The following EPN2 variants were observed in gnomAD, a reference collection of about 807,000 sequenced individuals.
The protein encoded by EPN2 is epsin 2.
A neutral mutation model predicts 61.7 loss-of-function variants in EPN2; 34 were observed. The observed-to-expected ratio is 0.55, with a 90% CI of 0.42 to 0.73. The LOEUF (loss-of-function observed/expected upper bound fraction) is 0.73. Among genes scored for constraint, EPN2 ranks in the 30% least tolerant of loss-of-function variants. The probability of loss-of-function intolerance (pLI) is 0.00; values close to 1 mark genes in which losing one functional copy is unlikely to be tolerated. For missense variants in EPN2, 714 were observed against 839.2 expected (o/e 0.85, Z 1.84); for synonymous variants, 349 against 353.6 (o/e 0.99, Z 0.15).
chr17:19,239,617 T>C (rs1284839962), intron 1 of EPN2, among the ~76,000 whole-genome samples: 1 of 152,246 alleles, frequency 6.6e-6, no homozygotes, highest in Non-Finnish European at 1.5e-5. Flanking sequence ...TGTAAGTTAC[T>C]GTAAGGCATG....
intron 9 of EPN2, 38 bp downstream of exon 9, chr17:19,329,685 G>A: frequency 1.6e-6 from 2 of 1,213,784 alleles, no homozygotes; most frequent in Non-Finnish European, 2.4e-6. Context: ...AATCCTCCGT[G>A]CATTTGACCA....
At chr17:19,274,688 G>A (rs887234947) in intron 1 of EPN2, among the ~76,000 whole-genome samples, 1 of 152,180 alleles carries the variant, frequency 6.6e-6, no homozygotes, top group African/African-American at 2.4e-5. Flanking sequence ...ACGGGGTGTA[G>A]AGATGTGTGC....
chr17:19,291,142 A>G (rs1405440091), intron 4 of EPN2, among the ~76,000 whole-genome samples: 1 of 152,212 alleles, frequency 6.6e-6, no homozygotes, highest in Non-Finnish European at 1.5e-5. Flanking sequence ...AGGAAAACAG[A>G]GGTGAGAAAG....
At chr17:19,323,506 A>C (rs1195946926) in intron 7 of EPN2, among the ~76,000 whole-genome samples, 1 of 152,220 alleles carries the variant, frequency 6.6e-6, no homozygotes, top group Non-Finnish European at 1.5e-5. Context: ...TGGACATATC[A>C]TCAGGAAACT....
rs369958146 is a variant in EPN2, at chr17:19,313,170, C to T, written c.1038C>T (p.Pro346=). 143 of 1,613,680 alleles carry T rather than the reference C, an allele frequency of 8.9e-5. No individual in the cohort carries two copies. The highest frequency in any genetic ancestry group is 1.1e-4 in the Non-Finnish European group (131 of 1,179,808). ...TGGATGCTCTCCCCAGCTCGGGCCC[C>T]GCGGCCCAGAAAGCAGAGCCCTGGG... ...DLMDALPSSG[P]AAQKAEPWGP... The change falls in exon 7 of 11, where the codon CCC becomes CCT. Residue 346 remains proline (P), a synonymous_variant. Transcript: ENST00000314728.
chr17:19,309,859 T>C, intron 4 of EPN2, 26 bp from the exon 5 acceptor site: 1 of 1,583,740 alleles, frequency 6.3e-7, no homozygotes, highest in South Asian at 1.1e-5. Flanking sequence ...GTCTTTTGCA[T>C]ATGATGACTT....
At chr17:19,300,516 C>T (rs1042249386) in intron 4 of EPN2, among the ~76,000 whole-genome samples, 2 of 151,016 alleles carry the variant, frequency 1.3e-5, no homozygotes, top group African/African-American at 4.9e-5. Context: ...GCAGCCTCCG[C>T]CTCCTGGGTT....
rs759350151 is a variant in EPN2 at position 19,329,628 on chromosome 17, T to C, written c.1392T>C (p.Leu464=). ...ATGACTTTTCTGAATTTGACAACCTTCGGACTTCAAAAAAAACAGGTATGT... is the reference window on the plus strand; with the variant it reads ...ATGACTTTTCTGAATTTGACAACCTCCGGACTTCAAAAAAAACAGGTATGT... ...IKDDFSEFDN[L]RTSKKTAESV... is the part of the protein sequence containing the mutation. The change falls in exon 9 of 11, where the codon CTT becomes CTC. Residue 464 remains leucine (L), a synonymous_variant. Coordinates refer to ENST00000314728, the MANE Select transcript of EPN2 (RefSeq NM_014964.5). 10 of 1,611,304 alleles carry C rather than the reference T, an allele frequency of 6.2e-6. No homozygotes were observed. The highest frequency in any genetic ancestry group is 8.5e-6 in the Non-Finnish European group (10 of 1,177,652).
chr17:19,296,765 C>T (rs550936042), intron 4 of EPN2: 13 of 152,314 alleles, frequency 8.5e-5, no homozygotes, highest in African/African-American at 3.1e-4. Context: ...CACACCACCA[C>T]ACGCAGCCGA....
At position 19,281,778 on chromosome 17, in the gene EPN2, C is replaced by A. The variant is rs115836911; in HGVS notation, c.-293-177C>A. Among the ~76,000 whole-genome samples the A allele has an allele frequency of 1.3e-3, 204 of 152,172 alleles. 1 individual carries two copies. Among genetic ancestry groups the A allele is most frequent in the African/African-American group, 4.8e-3 (198 of 41,506 alleles). On this transcript the variant is annotated intron_variant, in intron 1 of 10. Transcript: ENST00000314728. The stretch of plus-strand genomic sequence containing the variant: ...CAGGTGGTCAGAATGGTGGGTGGAG[C>A]CCCTTGCTTCCTATCCGGGCCCTAG...
intron 7 of EPN2, among the ~76,000 whole-genome samples, chr17:19,314,246 G>A (rs1906281447): frequency 6.6e-6 from 1 of 152,224 alleles, no homozygotes; most frequent in Admixed American, 6.5e-5. Flanking sequence ...TAGCAGTACT[G>A]TGTAGTCCAG....
At chr17:19,329,516 A>C in intron 8 of EPN2, 45 bp from the exon 9 acceptor site, 1 of 1,259,692 alleles carries the variant, frequency 7.9e-7, no homozygotes, top group Non-Finnish European at 1.2e-6. Flanking sequence ...GTTGCCATGA[A>C]GTCCTGTGAG....
chr17:19,314,917 G>A (rs1906315228), intron 7 of EPN2, among the ~76,000 whole-genome samples: 1 of 152,212 alleles, frequency 6.6e-6, no homozygotes, highest in South Asian at 2.1e-4. Context: ...GTAAAGTGAT[G>A]GCCACCATAA....
intron 1 of EPN2, among the ~76,000 whole-genome samples, chr17:19,254,877 C>T (rs2045057438): frequency 6.6e-6 from 1 of 152,084 alleles, no homozygotes; most frequent in South Asian, 2.1e-4. Flanking sequence ...TGTACCTCAG[C>T]GACATAGGCA....
At chr17:19,290,933 A>C (rs1253636604) in intron 4 of EPN2, among the ~76,000 whole-genome samples, 1 of 152,104 alleles carries the variant, frequency 6.6e-6, no homozygotes. Flanking sequence ...GTATGCTTCA[A>C]GTCTGCTCCC....
intron 6 of EPN2, 114 bp downstream of exon 6, chr17:19,312,258 C>T: frequency 1.3e-6 from 1 of 756,340 alleles, no homozygotes; most frequent in Non-Finnish European, 2.3e-6. Flanking sequence ...CCAACCTCAG[C>T]AAATAACCTT....
chr17:19,310,135 T>C, intron 5 of EPN2, 138 bp downstream of exon 5: 1 of 660,726 alleles, frequency 1.5e-6, no homozygotes, highest in East Asian at 2.7e-5. Flanking sequence ...CATTTCATGC[T>C]GCCGTAAGTG....
intron 1 of EPN2, among the ~76,000 whole-genome samples, chr17:19,259,590 G>T (rs985234360): frequency 2.0e-5 from 3 of 152,168 alleles, no homozygotes; most frequent in Non-Finnish European, 4.4e-5. Context: ...GGGTTTACAG[G>T]CATGAGCCAC....
chr17:19,292,535 A>C (rs2045475532), intron 4 of EPN2, among the ~76,000 whole-genome samples: 1 of 152,250 alleles, frequency 6.6e-6, no homozygotes, highest in African/African-American at 2.4e-5. Flanking sequence ...AGAGAGAGTT[A>C]ATCTCTTCAG....
Sources: allele counts gnomAD v4.1 joint callset (sites outside exome capture counted in the v4.1 genomes callset), GRCh38; gene constraint gnomAD v4.1.1; transcripts MANE v1.5; gene names NCBI Gene and HGNC (gene_info 2026-07-23, HGNC 2026-07-21).